The following OSBP2 variants were observed in gnomAD, a reference collection of about 807,000 sequenced individuals.
The protein encoded by OSBP2 is oxysterol-binding protein 2.
Under a neutral mutation model 96.0 loss-of-function variants are expected in OSBP2, and 66 were observed. The ratio of observed to expected loss-of-function variants is 0.69; its 90% CI spans 0.56 to 0.84. The LOEUF (loss-of-function observed/expected upper bound fraction) is 0.84, where lower values mean the gene tolerates loss of function less well. OSBP2 is among the 40% of genes least tolerant of loss of function. OSBP2 has a pLI of 0.00. For synonymous variants in OSBP2, 525 were observed against 520.9 expected (o/e 1.01, Z -0.11); for missense variants, 1,038 against 1,222.7 (o/e 0.85, Z 2.25).
At chr22:30,788,040 C>G (rs1473837544) in intron 2 of OSBP2, among the ~76,000 whole-genome samples, 2 of 152,158 alleles carry the variant, frequency 1.3e-5, no homozygotes, top group African/African-American at 4.8e-5. Flanking sequence ...GGACTGGGGT[C>G]TCAATCATGT....
rs533830389 is a variant in OSBP2 at position 30,895,129 on chromosome 22, G to GC, written c.2375+1135dup. 2.6e-4 allele frequency among the ~76,000 whole-genome samples: 39 copies of GC among 152,114 alleles called. 1 individual carries two copies. The South Asian group carries it at 5.0e-3, about 19-fold the overall frequency. On this transcript the variant is annotated intron_variant, in intron 12 of 13. Coordinates refer to ENST00000332585, the MANE Select transcript of OSBP2 (RefSeq NM_030758.4). Reference sequence around the variant, plus strand: ...ATGAAGGGAGGGAAACTGCTCAAAGGCCCCCCCGCCATGCTGCCCTGGAAG... The same window carrying GC: ...ATGAAGGGAGGGAAACTGCTCAAAGGCCCCCCCCGCCATGCTGCCCTGGAAG...
chr22:30,802,724 C>G (rs1334621155), intron 2 of OSBP2, among the ~76,000 whole-genome samples: 1 of 152,250 alleles, frequency 6.6e-6, no homozygotes, highest in African/African-American at 2.4e-5. Context: ...CTCCGGGGAC[C>G]GATCGGTGGC....
intron 2 of OSBP2, among the ~76,000 whole-genome samples, chr22:30,846,667 G>A (rs1481168588): frequency 6.6e-6 from 1 of 151,454 alleles, no homozygotes; most frequent in African/African-American, 2.4e-5. Flanking sequence ...ATTTTTTCAT[G>A]TGTTTATTGA....
intron 12 of OSBP2, among the ~76,000 whole-genome samples, chr22:30,901,703 A>G (rs1425810469): frequency 6.6e-6 from 1 of 152,110 alleles, no homozygotes; most frequent in Non-Finnish European, 1.5e-5. Flanking sequence ...TGTCTCTACT[A>G]AAAATATAAA....
intron 4 of OSBP2, 63 bp from the exon 5 acceptor site, chr22:30,888,160 C>A: frequency 9.0e-7 from 1 of 1,114,186 alleles, no homozygotes; most frequent in Non-Finnish European, 1.4e-6. Context: ...TGGCTCTGGA[C>A]TTAGGGAGGC....
At chr22:30,762,272 G>A (rs571175149) in intron 2 of OSBP2, among the ~76,000 whole-genome samples, 13 of 150,238 alleles carry the variant, frequency 8.7e-5, no homozygotes, top group South Asian at 2.1e-4. Flanking sequence ...ATTTTGGGCC[G>A]GGCGCGGTGG....
At chr22:30,822,919 G>A (rs1481351028) in intron 2 of OSBP2, among the ~76,000 whole-genome samples, 1 of 152,250 alleles carries the variant, frequency 6.6e-6, no homozygotes, top group Non-Finnish European at 1.5e-5. Flanking sequence ...GCATTTTGGA[G>A]AGGGGGCTGC....
chr22:30,717,094 G>T (rs201429679), intron 1 of OSBP2, among the ~76,000 whole-genome samples: 19,960 of 83,952 alleles, frequency 0.24, 2,416 homozygotes, highest in East Asian at 0.52. Context: ...CTGTTTTTGT[G>T]TGTGTGTGTG....
intron 2 of OSBP2, among the ~76,000 whole-genome samples, chr22:30,864,844 G>A (rs982110858): frequency 6.6e-6 from 1 of 152,144 alleles, no homozygotes; most frequent in Non-Finnish European, 1.5e-5. Context: ...GTCCCTGCTG[G>A]ACATCTATGC....
chr22:30,861,888 C>T (rs1015019762), intron 2 of OSBP2, among the ~76,000 whole-genome samples: 2 of 152,186 alleles, frequency 1.3e-5, no homozygotes, highest in African/African-American at 4.8e-5. Context: ...CTGGCCCGTT[C>T]CACCTCTGTC....
At chr22:30,777,309 G>A (rs192983745) in intron 2 of OSBP2, among the ~76,000 whole-genome samples, 4 of 152,318 alleles carry the variant, frequency 2.6e-5, no homozygotes, top group Non-Finnish European at 5.9e-5. Flanking sequence ...CCGGTGGGAA[G>A]TGGTTGAATC....
At chr22:30,807,898 G>A (rs1479030268) in intron 2 of OSBP2, among the ~76,000 whole-genome samples, 1 of 152,156 alleles carries the variant, frequency 6.6e-6, no homozygotes, top group African/African-American at 2.4e-5. Flanking sequence ...TGATCCTCCT[G>A]CCTTAGCCTC....
At chr22:30,799,086 TTCCTTC>T in intron 2 of OSBP2, among the ~76,000 whole-genome samples, 1 of 149,424 alleles carries the variant, frequency 6.7e-6, no homozygotes, top group African/African-American at 2.5e-5. Flanking sequence ...CCTTCCTTCC[TTCCTTC>T]CTTCCTTCCT....
chr22:30,798,090 A>G (rs2090790577), intron 2 of OSBP2, among the ~76,000 whole-genome samples: 1 of 152,006 alleles, frequency 6.6e-6, no homozygotes, highest in Non-Finnish European at 1.5e-5. Flanking sequence ...CCTTGCCAAC[A>G]CTTGTTATTT....
chr22:30,865,950 C>G (rs2039328419), intron 2 of OSBP2, among the ~76,000 whole-genome samples: 1 of 152,174 alleles, frequency 6.6e-6, no homozygotes, highest in Admixed American at 6.5e-5. Flanking sequence ...GCAGGAAGGA[C>G]AGAGGGACTT....
intron 2 of OSBP2, among the ~76,000 whole-genome samples, chr22:30,774,395 C>G (rs1337482761): frequency 1.3e-5 from 2 of 152,166 alleles, no homozygotes; most frequent in Admixed American, 1.3e-4. Context: ...AGGTGACGGT[C>G]ATTGTGGAGA....
chr22:30,859,527 G>A (rs1175724904), intron 2 of OSBP2, among the ~76,000 whole-genome samples: 4 of 152,228 alleles, frequency 2.6e-5, no homozygotes, highest in African/African-American at 7.2e-5. Flanking sequence ...TGGCGAGCCC[G>A]TTGGTAGGGC....
At position 30,870,316 on chromosome 22, in the gene OSBP2, A is replaced by T. The variant is rs1183252028; in HGVS notation, c.854-113A>T. The T allele has an allele frequency of 1.9e-6, 2 of 1,074,048 alleles. No homozygotes were observed. The highest frequency in any genetic ancestry group is 2.7e-6 in the Non-Finnish European group (2 of 737,610). 66.5% of individuals were successfully genotyped at this position (1,074,048 alleles called of 1,614,324 possible). On this transcript the variant is annotated intron_variant, in intron 2 of 13. Coordinates refer to ENST00000332585, the MANE Select transcript of OSBP2 (RefSeq NM_030758.4). This position sits in a 1 kb window ranked among gnomAD's most constrained non-coding sequence, Gnocchi z 4.1. Reference sequence around the variant, plus strand: ...AACAGGAACGGGCACCATCTCGGGGACTGATGTTTTTTGAATGGCGCTATC... The same window carrying T: ...AACAGGAACGGGCACCATCTCGGGGTCTGATGTTTTTTGAATGGCGCTATC...
At chr22:30,885,206 T>C (rs548729270) in intron 3 of OSBP2, among the ~76,000 whole-genome samples, 1 of 152,152 alleles carries the variant, frequency 6.6e-6, no homozygotes, top group Non-Finnish European at 1.5e-5. Flanking sequence ...GCTCAGTGGG[T>C]GCTCCAGGTC....
Sources: allele counts gnomAD v4.1 joint callset (sites outside exome capture counted in the v4.1 genomes callset), GRCh38; gene constraint gnomAD v4.1.1; non-coding constraint Gnocchi (gnomAD v3.1); transcripts MANE v1.5; gene names NCBI Gene and HGNC (gene_info 2026-07-23, HGNC 2026-07-21).